CCDC192: variants seen among roughly 807,000 people sequenced by gnomAD.
The protein encoded by CCDC192 is coiled-coil domain-containing protein 192.
In CCDC192 at chr5:127,799,613, A is replaced by G. The variant is rs140439264; in HGVS notation, c.411+1451A>G. Among the ~76,000 whole-genome samples, 327 of 152,280 alleles carry G rather than the reference A, an allele frequency of 2.1e-3. 1 individual carries two copies. The highest frequency in any genetic ancestry group is 7.5e-3 in the African/African-American group (311 of 41,556). ...GGCAAATGTATTCACTAAAGCTCAG[A>G]TATTAGCTTCCAGCATCTCTTTGTG... On this transcript the variant is annotated intron_variant, in intron 5 of 6. Coordinates refer to ENST00000514853, the MANE Select transcript of CCDC192 (RefSeq NM_001317938.2).
chr5:127,899,312 G>C (rs971126497), intron 6 of CCDC192, among the ~76,000 whole-genome samples: 9 of 152,148 alleles, frequency 5.9e-5, no homozygotes, highest in Non-Finnish European at 1.3e-4. Flanking sequence ...GCAGTGGAAA[G>C]GTTAAGGGAC....
chr5:127,703,738 A>C (rs898496261), intron 1 of CCDC192, among the ~76,000 whole-genome samples: 12 of 152,178 alleles, frequency 7.9e-5, no homozygotes, highest in African/African-American at 2.7e-4. Context: ...TGTTGAACAA[A>C]TAAATTGTCC....
Position 127,887,995 on chromosome 5 carries a change from G to A in CCDC192, c.535+12334G>A, listed in dbSNP as rs142035435. ...TGGGATTACAGGCACGAGCCAGCGC[G>A]CCCAACCTTATTTACTATTTTTTAA... On this transcript the variant is annotated intron_variant, in intron 6 of 6. Transcript: ENST00000514853. Among the ~76,000 whole-genome samples the A allele has an allele frequency of 9.2e-5, 14 of 152,014 alleles. No homozygotes were observed. The East Asian group carries it at 1.7e-3, about 19-fold the overall frequency.
rs187509276 is a variant in CCDC192 at position 127,731,988 on chromosome 5, A to G, written c.115-22280A>G. 2.3e-3 allele frequency among the ~76,000 whole-genome samples: 354 copies of G among 152,294 alleles called. 2 individuals are homozygous for G. The highest frequency in any genetic ancestry group is 4.0e-3 in the Non-Finnish European group (269 of 68,004). On this transcript the variant is annotated intron_variant, in intron 2 of 6. Transcript: ENST00000514853. ...TAAAACATCAACAACAAAAATAAAA[A>G]ATTGACAAATGGGATCTAATTAAAC...
At chr5:127,733,796 G>A (rs1451382143) in intron 2 of CCDC192, among the ~76,000 whole-genome samples, 1 of 149,524 alleles carries the variant, frequency 6.7e-6, no homozygotes, top group Non-Finnish European at 1.5e-5. Flanking sequence ...CAGATTCCAC[G>A]CTGTTTGGCA....
intron 5 of CCDC192, among the ~76,000 whole-genome samples, chr5:127,851,111 C>T (rs924776714): frequency 6.6e-6 from 1 of 152,204 alleles, no homozygotes; most frequent in African/African-American, 2.4e-5. Context: ...GGGTGCTTGT[C>T]CTGGCTTCTG....
intron 3 of CCDC192, among the ~76,000 whole-genome samples, chr5:127,764,383 G>C (rs1024021856): frequency 6.6e-6 from 1 of 152,196 alleles, no homozygotes; most frequent in Non-Finnish European, 1.5e-5. Context: ...ATTAAATGTA[G>C]AAGTTGAAGG....
intron 5 of CCDC192, among the ~76,000 whole-genome samples, chr5:127,837,547 G>A (rs1750078265): frequency 1.4e-5 from 2 of 147,456 alleles, no homozygotes; most frequent in Non-Finnish European, 1.5e-5. Context: ...TTCAATATGA[G>A]ATTTAGTGGG....
At chr5:127,793,318 C>T (rs746702891) in intron 3 of CCDC192, among the ~76,000 whole-genome samples, 1 of 151,840 alleles carries the variant, frequency 6.6e-6, no homozygotes, top group African/African-American at 2.4e-5. Context: ...AAACTTGTTA[C>T]AAAAGGAGAG....
intron 5 of CCDC192, among the ~76,000 whole-genome samples, chr5:127,808,386 A>G (rs756708857): frequency 2.0e-5 from 3 of 151,916 alleles, no homozygotes; most frequent in South Asian, 2.1e-4. Context: ...AAGTAAATCA[A>G]TGAATCCTAA....
intron 3 of CCDC192, among the ~76,000 whole-genome samples, chr5:127,779,296 A>G (rs1274585743): frequency 1.3e-5 from 2 of 152,092 alleles, no homozygotes; most frequent in Non-Finnish European, 2.9e-5. Flanking sequence ...ATGAGGATCT[A>G]TGTAAAAATT....
intron 5 of CCDC192, among the ~76,000 whole-genome samples, chr5:127,822,587 C>T (rs1749343035): frequency 1.3e-5 from 2 of 152,086 alleles, no homozygotes; most frequent in African/African-American, 4.8e-5. Context: ...GTGTGCAATT[C>T]TTTGCCATGA....
intron 6 of CCDC192, among the ~76,000 whole-genome samples, chr5:127,884,742 G>A (rs1752500081): frequency 6.6e-6 from 1 of 152,168 alleles, no homozygotes; most frequent in South Asian, 2.1e-4. Context: ...CTCTCACTGT[G>A]CCTTCTAACC....
At chr5:127,834,153 C>T (rs1160201271) in intron 5 of CCDC192, among the ~76,000 whole-genome samples, 1 of 152,124 alleles carries the variant, frequency 6.6e-6, no homozygotes, top group African/African-American at 2.4e-5. Flanking sequence ...TACCTAGACC[C>T]TTATCAGCCC....
rs79553219 is a variant in CCDC192, at chr5:127,898,123, T to C, written c.535+22462T>C. Among the ~76,000 whole-genome samples the C allele has an allele frequency of 4.2e-3, 636 of 152,236 alleles. 7 individuals are homozygous for C. Among genetic ancestry groups the C allele is most frequent in the African/African-American group, 0.015 (608 of 41,520 alleles). ...CTTAATATGGTCCAGTTTTTTTTTT[T>C]TTGAGACGGAGTTTTACTCTTGTTG... On this transcript the variant is annotated intron_variant, in intron 6 of 6. Coordinates refer to ENST00000514853, the MANE Select transcript of CCDC192 (RefSeq NM_001317938.2).
chr5:127,843,690 G>A (rs949249670), intron 5 of CCDC192, among the ~76,000 whole-genome samples: 11 of 151,936 alleles, frequency 7.2e-5, no homozygotes, highest in Non-Finnish European at 1.6e-4. Flanking sequence ...CGCCTGCCTG[G>A]CCCTCCCAAA....
At chr5:127,932,102 C>T (rs1185889219) in intron 6 of CCDC192, among the ~76,000 whole-genome samples, 4 of 147,344 alleles carry the variant, frequency 2.7e-5, no homozygotes, top group African/African-American at 7.6e-5. Context: ...TGCAGTGATC[C>T]GAGATCGTGC....
At chr5:127,877,349 T>A (rs1010858562) in intron 6 of CCDC192, among the ~76,000 whole-genome samples, 5 of 87,108 alleles carry the variant, frequency 5.7e-5, no homozygotes, top group African/African-American at 2.1e-4. Flanking sequence ...CTCTTTATTT[T>A]TGTGGATTTT....
chr5:127,775,703 A>AT (rs1252304719), intron 3 of CCDC192, among the ~76,000 whole-genome samples: 10 of 152,108 alleles, frequency 6.6e-5, no homozygotes. Context: ...TCTCATCTTG[A>AT]TTTGTAGCTC....
Sources: gnomAD v4.1 joint callset for allele counts (sites outside exome capture counted in the v4.1 genomes callset) on GRCh38, gnomAD v4.1.1 for gene constraint, MANE v1.5 for transcripts, NCBI Gene and HGNC (gene_info 2026-07-23, HGNC 2026-07-21) for gene names.